The following CD2AP variants were observed in gnomAD, a reference collection of about 807,000 sequenced individuals.
CD2AP encodes the protein CD2-associated protein.
A neutral mutation model predicts 85.1 loss-of-function variants in CD2AP; 46 were observed. That is an observed-to-expected ratio of 0.54 (90% CI 0.43 to 0.69). The LOEUF is 0.69. Among genes scored for constraint, CD2AP ranks in the 30% least tolerant of loss-of-function variants. The probability of loss-of-function intolerance (pLI) is 0.00; values close to 1 mark genes in which losing one functional copy is unlikely to be tolerated. For missense variants in CD2AP, 769 were observed against 729.5 expected, an observed-to-expected ratio of 1.05 and a Z score of -0.62; for synonymous variants, 255 against 252.9, an observed-to-expected ratio of 1.01 and a Z score of -0.08.
intron 2 of CD2AP, among the ~76,000 whole-genome samples, chr6:47,503,891 G>A (rs1562006193): frequency 6.6e-6 from 1 of 152,230 alleles, no homozygotes; most frequent in Non-Finnish European, 1.5e-5. Flanking sequence ...TAAGACAAGA[G>A]ACTTTGAACT....
rs928917890 is a variant in CD2AP, at chr6:47,613,890, G to C, written c.1878+1354G>C. 2.6e-5 allele frequency among the ~76,000 whole-genome samples: 4 copies of C among 152,188 alleles called. No individual in the cohort carries two copies. In the East Asian group the frequency reaches 7.7e-4, roughly 29 times the overall value. On this transcript the variant is annotated intron_variant, in intron 17 of 17. Transcript: ENST00000359314. Reference sequence around the variant, plus strand: ...TAGATCTTCTGGATAACTTGCTGCAGCTTCTACATTAGCACTTGCTTTACC... The same window carrying C: ...TAGATCTTCTGGATAACTTGCTGCACCTTCTACATTAGCACTTGCTTTACC...
chr6:47,574,016 G>A (rs777127972), intron 5 of CD2AP, 48 bp from the exon 6 acceptor site: 54 of 1,502,786 alleles, frequency 3.6e-5, no homozygotes, highest in African/African-American at 4.1e-5. Context: ...GATGTCAAGC[G>A]TTTTGTGATT....
rs530778469 is a variant in CD2AP, at chr6:47,593,633, T to G, written c.1109-2228T>G. On this transcript the variant is annotated intron_variant, in intron 11 of 17. Coordinates refer to ENST00000359314, the MANE Select transcript of CD2AP (RefSeq NM_012120.3). ...TCACACCCACTGAGATGGTTAAAAATTTTTTTAAGAAAGGAAAATAAGTAA... is the reference window on the plus strand; with the variant it reads ...TCACACCCACTGAGATGGTTAAAAAGTTTTTTAAGAAAGGAAAATAAGTAA... 3.9e-4 allele frequency among the ~76,000 whole-genome samples: 60 copies of G among 152,148 alleles called. No homozygotes were observed. In the South Asian group the frequency reaches 0.012, roughly 29 times the overall value.
At chr6:47,596,304 A>G (rs997962500) in intron 12 of CD2AP, among the ~76,000 whole-genome samples, 3 of 152,114 alleles carry the variant, frequency 2.0e-5, no homozygotes, top group Non-Finnish European at 2.9e-5. Flanking sequence ...TAGCATTTTT[A>G]AAGAATGCGG....
At chr6:47,531,753 C>T (rs1290720307) in intron 2 of CD2AP, among the ~76,000 whole-genome samples, 1 of 152,008 alleles carries the variant, frequency 6.6e-6, no homozygotes, top group Non-Finnish European at 1.5e-5. Flanking sequence ...ATTATCAGTT[C>T]TCAAGTATTT....
In CD2AP at chr6:47,560,430, A is replaced by G. The variant is rs568803558; in HGVS notation, c.541+5664A>G. Among the ~76,000 whole-genome samples the G allele has an allele frequency of 7.9e-5, 12 of 152,056 alleles. No homozygotes were observed. The South Asian group carries it at 2.1e-3, about 26-fold the overall frequency. On this transcript the variant is annotated intron_variant, in intron 5 of 17. Coordinates refer to ENST00000359314, the MANE Select transcript of CD2AP (RefSeq NM_012120.3). ...CTCCCAGTCCTGAAAAGGATTATAC[A>G]TGGAATTTATTTCCAGTGTTTCTTA...
At chr6:47,589,481 CAT>C (rs1040375468) in intron 11 of CD2AP, among the ~76,000 whole-genome samples, 22 of 146,958 alleles carry the variant, frequency 1.5e-4, no homozygotes, top group Admixed American at 3.4e-4. Context: ...CACATATACA[CAT>C]ATGTATGTGC....
intron 13 of CD2AP, among the ~76,000 whole-genome samples, chr6:47,602,723 C>T (rs1024394400): frequency 6.8e-6 from 1 of 146,752 alleles, no homozygotes; most frequent in Non-Finnish European, 1.5e-5. Flanking sequence ...GACCGTGTCT[C>T]TACAGAAAAA....
intron 2 of CD2AP, among the ~76,000 whole-genome samples, chr6:47,509,106 C>T (rs1766253270): frequency 6.6e-6 from 1 of 152,042 alleles, no homozygotes; most frequent in Non-Finnish European, 1.5e-5. Context: ...ATTAATTAGT[C>T]TGATTTCAGT....
chr6:47,566,584 C>T (rs941428086), intron 5 of CD2AP, among the ~76,000 whole-genome samples: 1 of 151,914 alleles, frequency 6.6e-6, no homozygotes, highest in African/African-American at 2.4e-5. Flanking sequence ...GTTCCTGCAC[C>T]TATCGACCCA....
chr6:47,478,291 A>G, intron 1 of CD2AP, 43 bp downstream of exon 1: 1 of 1,563,496 alleles, frequency 6.4e-7, no homozygotes, highest in Non-Finnish European at 8.7e-7. Context: ...CGGACCTTCC[A>G]GACCCGGGGA....
At chr6:47,536,977 A>G (rs889909399) in intron 3 of CD2AP, among the ~76,000 whole-genome samples, 7 of 152,234 alleles carry the variant, frequency 4.6e-5, no homozygotes, top group African/African-American at 1.7e-4. Flanking sequence ...ACGTGAGGCA[A>G]TACATAGTGT....
intron 11 of CD2AP, among the ~76,000 whole-genome samples, chr6:47,586,655 A>G (rs1190929304): frequency 6.6e-6 from 1 of 152,202 alleles, no homozygotes; most frequent in Non-Finnish European, 1.5e-5. Context: ...TATTGCCAGT[A>G]GAACTGTATT....
intron 5 of CD2AP, among the ~76,000 whole-genome samples, chr6:47,573,484 GTTTTT>G (rs765430650): frequency 1.1e-3 from 101 of 94,726 alleles, no homozygotes; most frequent in African/African-American, 4.1e-3. Flanking sequence ...CATGCTGTGT[GTTTTT>G]TTTTTTTTTT....
chr6:47,616,082 C>CT lies in CD2AP; in HGVS notation c.1878+3573dup, dbSNP rs562350159. 1.2e-3 allele frequency among the ~76,000 whole-genome samples: 77 copies of CT among 63,806 alleles called. 5 individuals carry two copies. The highest frequency in any genetic ancestry group is 7.8e-3 in the East Asian group (25 of 3,224). 41.9% of individuals were successfully genotyped at this position (63,806 alleles called of 152,430 possible). Reference sequence around the variant, plus strand: ...GCAGGCATGAGCCACTGCGCCTGGCCTTTTTTTTTTTTTTTTTTTTTTTTT... The same window carrying CT: ...GCAGGCATGAGCCACTGCGCCTGGCCTTTTTTTTTTTTTTTTTTTTTTTTTT... On this transcript the variant is annotated intron_variant, in intron 17 of 17. Transcript: ENST00000359314.
chr6:47,617,422 C>G (rs1769621864), intron 17 of CD2AP, among the ~76,000 whole-genome samples: 2 of 152,168 alleles, frequency 1.3e-5, no homozygotes, highest in African/African-American at 4.8e-5. Flanking sequence ...ATTTTCCCAG[C>G]TTGTATCCTG....
At chr6:47,527,342 G>A (rs1766757505) in intron 2 of CD2AP, among the ~76,000 whole-genome samples, 1 of 152,114 alleles carries the variant, frequency 6.6e-6, no homozygotes, top group Non-Finnish European at 1.5e-5. Context: ...GTTGAGACAG[G>A]TATACAAAGA....
chr6:47,619,787 T>C (rs543955714), intron 17 of CD2AP, among the ~76,000 whole-genome samples: 2 of 152,334 alleles, frequency 1.3e-5, no homozygotes, highest in East Asian at 3.9e-4. Context: ...TGGTATCGGA[T>C]TGTGGTTTTG....
intron 6 of CD2AP, 44 bp downstream of exon 6, chr6:47,574,295 A>T (rs1768243490): frequency 2.6e-6 from 4 of 1,532,906 alleles, no homozygotes; most frequent in Non-Finnish European, 3.6e-6. Context: ...TCATTCTCTC[A>T]TTAAGCATTT....
Sources: allele counts gnomAD v4.1 joint callset (sites outside exome capture counted in the v4.1 genomes callset), GRCh38; gene constraint gnomAD v4.1.1; transcripts MANE v1.5; gene names NCBI Gene and HGNC (gene_info 2026-07-23, HGNC 2026-07-21).